The following PDS5A variants were observed in gnomAD, a reference collection of about 807,000 sequenced individuals.
PDS5A encodes the protein sister chromatid cohesion protein PDS5 homolog A.
In PDS5A, 42 loss-of-function variants were observed where a neutral mutation model predicts 167.1. That is an observed-to-expected ratio of 0.25 (90% CI 0.20 to 0.33). The LOEUF (loss-of-function observed/expected upper bound fraction) is 0.33. Among genes scored for constraint, PDS5A ranks in the 10% least tolerant of loss-of-function variants. PDS5A has a pLI of 1.00. For missense variants in PDS5A, 1,033 were observed against 1,605.9 expected, an observed-to-expected ratio of 0.64 and a Z score of 6.10; for synonymous variants, 553 against 554.6, an observed-to-expected ratio of 1.00 and a Z score of 0.04.
intron 2 of PDS5A, among the ~76,000 whole-genome samples, chr4:39,953,879 A>T (rs1291182314): frequency 6.6e-6 from 1 of 152,144 alleles, no homozygotes; most frequent in East Asian, 1.9e-4. Context: ...CTGACACCAC[A>T]CTCTCAATAG....
At chr4:39,907,148 A>G (rs1723448601) in intron 11 of PDS5A, among the ~76,000 whole-genome samples, 1 of 152,170 alleles carries the variant, frequency 6.6e-6, no homozygotes, top group Admixed American at 6.6e-5. Flanking sequence ...GAAACTTTTT[A>G]AATGGGGGAA....
intron 2 of PDS5A, among the ~76,000 whole-genome samples, chr4:39,962,303 G>A (rs906225562): frequency 3.3e-5 from 5 of 151,804 alleles, no homozygotes; most frequent in Admixed American, 6.6e-5. Flanking sequence ...TGATCCGCCC[G>A]CCTTGGCCTC....
intron 17 of PDS5A, among the ~76,000 whole-genome samples, chr4:39,888,172 G>A (rs1721644834): frequency 6.6e-6 from 1 of 150,912 alleles, no homozygotes; most frequent in Admixed American, 6.6e-5. Context: ...CGTGAACCTG[G>A]GAGGTGAAGA....
At chr4:39,849,300 C>T (rs1159066781) in intron 27 of PDS5A, among the ~76,000 whole-genome samples, 3 of 152,038 alleles carry the variant, frequency 2.0e-5, no homozygotes. Flanking sequence ...TATTCTTATC[C>T]TCTTGCTCTA....
At chr4:39,939,197 G>A (rs1726980418) in intron 2 of PDS5A, among the ~76,000 whole-genome samples, 1 of 152,134 alleles carries the variant, frequency 6.6e-6, no homozygotes, top group Non-Finnish European at 1.5e-5. Flanking sequence ...TTGTACAGTG[G>A]CTCATGCCCG....
At chr4:39,933,683 T>C (rs1300492623) in intron 2 of PDS5A, 1 of 149,986 alleles carries the variant, frequency 6.7e-6, no homozygotes, top group East Asian at 2.0e-4. Context: ...GAAACAATTA[T>C]TCATTTTAAG....
At chr4:39,961,530 A>C (rs1729479483) in intron 2 of PDS5A, among the ~76,000 whole-genome samples, 1 of 152,026 alleles carries the variant, frequency 6.6e-6, no homozygotes, top group Non-Finnish European at 1.5e-5. Flanking sequence ...CAAGATGCTG[A>C]GATTACAAGT....
chr4:39,908,500 A>G lies in PDS5A; in HGVS notation c.1128T>C (p.Ile376=), dbSNP rs1383707378. Residue 376 remains isoleucine (I), a synonymous_variant, in exon 11 of 33, where the codon ATT becomes ATC. Transcript: ENST00000303538. ...KVRSHDPEEA[I]RHDVIVTIIT... ...TTATAGTAACAATGACATCATGACG[A>G]ATAGCTTCTTCTGGATCATGTGATC... 2.5e-6 allele frequency: 4 copies of G among 1,598,466 alleles called. No individual in the cohort carries two copies. The highest frequency in any genetic ancestry group is 3.4e-6 in the Non-Finnish European group (4 of 1,166,002).
At chr4:39,957,558 G>C (rs1189514147) in intron 2 of PDS5A, among the ~76,000 whole-genome samples, 2 of 152,042 alleles carry the variant, frequency 1.3e-5, no homozygotes, top group Admixed American at 1.3e-4. Flanking sequence ...GGCCAAAGAG[G>C]GCGGACCACG....
At chr4:39,886,951 G>C (rs1314221602) in intron 17 of PDS5A, among the ~76,000 whole-genome samples, 2 of 151,760 alleles carry the variant, frequency 1.3e-5, no homozygotes, top group East Asian at 3.9e-4. Flanking sequence ...AGATGCTACT[G>C]AGTTTTGTAT....
chr4:39,961,554 C>A (rs1729482170), intron 2 of PDS5A, among the ~76,000 whole-genome samples: 1 of 152,174 alleles, frequency 6.6e-6, no homozygotes, highest in African/African-American at 2.4e-5. Context: ...AGCCACCGTG[C>A]CTGGCCATCT....
chr4:39,903,638 T>C (rs1723062788), intron 12 of PDS5A, among the ~76,000 whole-genome samples: 1 of 152,240 alleles, frequency 6.6e-6, no homozygotes, highest in African/African-American at 2.4e-5. Flanking sequence ...TGCTTTATAT[T>C]CATTATTTTA....
At position 39,904,030 on chromosome 4, in the gene PDS5A, T is replaced by C; in HGVS notation, c.1385+10A>G. The C allele has an allele frequency of 6.4e-7, 1 of 1,564,462 alleles. No individual in the cohort carries two copies. Among genetic ancestry groups the C allele is most frequent in the Non-Finnish European group, 8.7e-7 (1 of 1,152,422 alleles). ...TACACTCAACCATTCTACCAACATA[T>C]TAAACTCACTTGTCGTCAATGCTGT... is the stretch of plus-strand genomic sequence containing the variant. On this transcript the variant is annotated intron_variant, in intron 12 of 32. Transcript: ENST00000303538.
intron 20 of PDS5A, 99 bp from the exon 21 acceptor site, chr4:39,873,243 T>C: frequency 1.7e-6 from 1 of 602,088 alleles, no homozygotes; most frequent in Non-Finnish European, 2.6e-6. Context: ...GAATTTACCA[T>C]GCCCAAACCA....
At chr4:39,841,700 T>C (rs1439171265) in intron 31 of PDS5A, among the ~76,000 whole-genome samples, 1 of 152,060 alleles carries the variant, frequency 6.6e-6, no homozygotes, top group Non-Finnish European at 1.5e-5. Context: ...TTAGTAGAGA[T>C]GATTACAGGT....
chr4:39,879,197 AG>A (rs1720735582), intron 18 of PDS5A, among the ~76,000 whole-genome samples: 1 of 152,022 alleles, frequency 6.6e-6, no homozygotes, highest in Non-Finnish European at 1.5e-5. Flanking sequence ...ATCCAATGAA[AG>A]CTCTATCAAG....
intron 2 of PDS5A, among the ~76,000 whole-genome samples, chr4:39,967,071 G>C (rs949414006): frequency 6.6e-6 from 1 of 151,604 alleles, no homozygotes; most frequent in Non-Finnish European, 1.5e-5. Flanking sequence ...TTGGGAGGCC[G>C]AGGTGGGTGG....
At chr4:39,963,919 T>TC (rs944713203) in intron 2 of PDS5A, among the ~76,000 whole-genome samples, 6 of 151,432 alleles carry the variant, frequency 4.0e-5, no homozygotes, top group African/African-American at 9.7e-5. Context: ...AGCTTTTTTT[T>TC]CCCCCCCAGA....
chr4:39,858,034 A>C lies in PDS5A; in HGVS notation c.3086+4185T>G, dbSNP rs142264237. On this transcript the variant is annotated intron_variant, in intron 26 of 32. Coordinates refer to ENST00000303538, the MANE Select transcript of PDS5A (RefSeq NM_001100399.2). ...CGAAGACCTATACCCAGAAAACTAC[A>C]GAACAGTGCTGGAAAAATAAATAAA... is the stretch of plus-strand genomic sequence containing the variant. Among the ~76,000 whole-genome samples the C allele has an allele frequency of 5.9e-3, 902 of 152,260 alleles. 7 individuals are homozygous for C. Among genetic ancestry groups the C allele is most frequent in the African/African-American group, 0.02 (835 of 41,558 alleles).
Sources: gnomAD v4.1 joint callset for allele counts (sites outside exome capture counted in the v4.1 genomes callset) on GRCh38, gnomAD v4.1.1 for gene constraint, MANE v1.5 for transcripts, NCBI Gene and HGNC (gene_info 2026-07-23, HGNC 2026-07-21) for gene names.